AKT1: variants seen among roughly 807,000 people sequenced by gnomAD.
AKT1 encodes RAC-alpha serine/threonine-protein kinase.
A neutral mutation model predicts 63.1 loss-of-function variants in AKT1; 21 were observed. The observed-to-expected ratio is 0.33, with a 90% CI of 0.24 to 0.48. The LOEUF (loss-of-function observed/expected upper bound fraction) is 0.48, where lower values mean the gene tolerates loss of function less well. Among genes scored for constraint, AKT1 ranks in the 20% least tolerant of loss-of-function variants. The pLI is 0.99. For synonymous variants in AKT1, 257 were observed against 253.1 expected (o/e 1.02, Z -0.15); for missense variants, 382 against 666.0 (o/e 0.57, Z 4.69).
chr14:104,773,353 G>A lies in AKT1; in HGVS notation c.855C>T (p.Asp285=), dbSNP rs149484260. Residue 285 remains aspartate, a synonymous_variant, in exon 11 of 15, where the codon GAC becomes GAT. Coordinates refer to ENST00000649815, the MANE Select transcript of AKT1 (RefSeq NM_001382430.1). The part of the protein sequence containing the change: ...LKLENLMLDK[D]GHIKITDFGL... ...CGAAGTCTGTGATCTTAATGTGCCC[G>A]TCCTTGTCCAGCATGAGGTTCTCCA... 156 of 1,614,048 alleles carry A rather than the reference G, an allele frequency of 9.7e-5. No homozygotes were observed. Among genetic ancestry groups the A allele is most frequent in the Non-Finnish European group, 1.2e-4 (141 of 1,180,016 alleles).
chr14:104,789,382 G>C (rs890944824), intron 3 of AKT1, among the ~76,000 whole-genome samples: 2 of 152,380 alleles, frequency 1.3e-5, no homozygotes, highest in African/African-American at 4.8e-5. Context: ...CACGGGGCTA[G>C]GCTGCAGCCA....
At chr14:104,775,465 T>C (rs574642799) in intron 6 of AKT1, 187 bp downstream of exon 6, 1 of 1,075,800 alleles carries the variant, frequency 9.3e-7, no homozygotes, top group East Asian at 2.6e-5. Context: ...GCAACCCCAG[T>C]TTTCCTCTGA....
intron 3 of AKT1, among the ~76,000 whole-genome samples, chr14:104,782,490 G>A (rs2140965658): frequency 6.6e-6 from 1 of 152,328 alleles, no homozygotes; most frequent in African/African-American, 2.4e-5. Context: ...TCTGTGAGCT[G>A]CATCTGGGGG....
At chr14:104,781,960 G>A (rs865806953) in intron 3 of AKT1, among the ~76,000 whole-genome samples, 13 of 152,278 alleles carry the variant, frequency 8.5e-5, no homozygotes, top group South Asian at 2.1e-4. Flanking sequence ...GTGGGCTGCC[G>A]AGCAGGCGTG....
At position 104,792,635 on chromosome 14, in the gene AKT1, G is replaced by A. The variant is rs56217512; in HGVS notation, c.9C>T (p.Asp3=). Residue 3 remains aspartate, a synonymous_variant, in exon 3 of 15, where the codon GAC becomes GAT. Coordinates refer to ENST00000649815, the MANE Select transcript of AKT1 (RefSeq NM_001382430.1). The stretch of plus-strand genomic sequence containing the variant: ...GCCAACCCTCCTTCACAATAGCCAC[G>A]TCGCTCATGGTGCCCGAGGCTCCCG... The part of the protein sequence containing the change: MS[D]VAIVKEGWLH... 357 of 1,611,060 alleles carry A rather than the reference G, an allele frequency of 2.2e-4. 2 individuals are homozygous for A. The East Asian group carries it at 7.1e-3, about 32-fold the overall frequency.
intron 8 of AKT1, chr14:104,774,542 G>A (rs1892600764): frequency 3.9e-6 from 1 of 254,928 alleles, no homozygotes; most frequent in Non-Finnish European, 7.5e-6. Context: ...TAACCAAGTG[G>A]CTGGACCCTG....
chr14:104,776,036 C>T, intron 5 of AKT1: 3 of 486,236 alleles, frequency 6.2e-6, no homozygotes, highest in Non-Finnish European at 1.1e-5. Context: ...TCCCCACAAC[C>T]GGACTCCAAC....
chr14:104,783,614 C>G (rs937326840), intron 3 of AKT1, among the ~76,000 whole-genome samples: 1 of 151,700 alleles, frequency 6.6e-6, no homozygotes, highest in Non-Finnish European at 1.5e-5. Context: ...TCACTCCAGA[C>G]GGGTACAGGC....
In AKT1 at chr14:104,775,657, G is replaced by C. The variant is rs375990114; in HGVS notation, c.430C>G (p.Arg144Gly). 2 of 1,613,824 alleles carry C rather than the reference G, an allele frequency of 1.2e-6. No homozygotes were observed. The highest frequency in any genetic ancestry group is 1.7e-6 in the Non-Finnish European group (2 of 1,179,866). Residue 144 changes from arginine (R) to glycine (G), a missense_variant, in exon 6 of 15, where the codon CGC becomes GGC. Physicochemically the swap from Arg to Gly is moderately radical, Grantham distance 125. Transcript: ENST00000649815. Reference protein sequence around the residue: ...MEVSLAKPKHRVTMNEFEYLK... With the variant: ...MEVSLAKPKHGVTMNEFEYLK... ...GAAGTGGGGACAGGCCTCACCACGC[G>C]GTGCTTGGGCTTGGCCAGGGACACC...
intron 3 of AKT1, among the ~76,000 whole-genome samples, chr14:104,786,533 C>G (rs1893342677): frequency 6.6e-6 from 1 of 152,320 alleles, no homozygotes; most frequent in African/African-American, 2.4e-5. Context: ...GCCTCTCAAT[C>G]CCTGACACCC....
chr14:104,773,608 C>T (rs1374100767), intron 9 of AKT1, 28 bp from the exon 10 acceptor site: 1 of 1,589,116 alleles, frequency 6.3e-7, no homozygotes, highest in South Asian at 1.1e-5. Flanking sequence ...TGAGGCACAG[C>T]CGTGGCTCGG....
intron 3 of AKT1, among the ~76,000 whole-genome samples, chr14:104,781,937 C>A (rs377597879): frequency 2.0e-5 from 3 of 152,218 alleles, no homozygotes; most frequent in African/African-American, 7.2e-5. Flanking sequence ...GCAAGCCCTC[C>A]ATGCCCCTGC....
At chr14:104,794,803 C>T (rs1175495110) in intron 1 of AKT1, among the ~76,000 whole-genome samples, 1 of 152,244 alleles carries the variant, frequency 6.6e-6, no homozygotes, top group Non-Finnish European at 1.5e-5. Flanking sequence ...CTGACCAAGG[C>T]AGCACTCAGA....
intron 2 of AKT1, 31 bp from the exon 3 acceptor site, chr14:104,792,753 G>A: frequency 7.3e-7 from 1 of 1,367,774 alleles, no homozygotes; most frequent in Non-Finnish European, 1.0e-6. Context: ...TGAATGTGAG[G>A]CCACGCCTGG....
At chr14:104,776,200 T>C (rs893398382) in intron 5 of AKT1, 1 of 207,854 alleles carries the variant, frequency 4.8e-6, no homozygotes, top group East Asian at 1.4e-4. Flanking sequence ...CTGGCTGGAG[T>C]GCAGTGGTAA....
Position 104,769,534 on chromosome 14 carries a change from G to A in AKT1, c.*807C>T. The stretch of plus-strand genomic sequence containing the variant: ...CACAGGGAGTCAGGGAGGGCCTGGG[G>A]CGACAGCGGAAAGGTTAAGCGTCGA... On this transcript the variant is annotated 3_prime_UTR_variant, in exon 15 of 15. Coordinates refer to ENST00000649815, the MANE Select transcript of AKT1 (RefSeq NM_001382430.1). The A allele has an allele frequency of 5.6e-6, 3 of 533,754 alleles. No individual in the cohort carries two copies. Among genetic ancestry groups the A allele is most frequent in the Non-Finnish European group, 1.1e-5 (3 of 275,708 alleles). The allele number at this position is 533,754 out of a possible 1,614,324, so 33.1% of individuals were successfully genotyped here. A position where few individuals can be genotyped will look rare whatever the true frequency, so the allele number is the denominator to read the frequency against.
rs2140993448 is a variant in AKT1 at position 104,789,117 on chromosome 14, C to G, written c.46+3481G>C. Among the ~76,000 whole-genome samples the G allele has an allele frequency of 2.0e-5, 3 of 152,366 alleles. No homozygotes were observed. In the South Asian group the frequency reaches 6.2e-4, roughly 32 times the overall value. ...AGGCAGCCAGGCCTGCAGCTCTTCC[C>G]CGGCCCCTCTCGGACAGCGACCAGC... On this transcript the variant is annotated intron_variant, in intron 3 of 14. Coordinates refer to ENST00000649815, the MANE Select transcript of AKT1 (RefSeq NM_001382430.1).
chr14:104,784,433 C>T (rs1011492149), intron 3 of AKT1, among the ~76,000 whole-genome samples: 22 of 152,280 alleles, frequency 1.4e-4, no homozygotes, highest in African/African-American at 5.3e-4. Flanking sequence ...GCTCCCTCGA[C>T]TCCTCCTGCA....
chr14:104,775,446 C>T lies in AKT1; in HGVS notation c.435+206G>A, dbSNP rs1365627734. On this transcript the variant is annotated intron_variant, in intron 6 of 14. Transcript: ENST00000649815. ...GTGGGGTAACATTGCCCAAGCCTGGCAGGGCTCAGCAACCCCAGTTTTCCT... is the reference window on the plus strand; with the variant it reads ...GTGGGGTAACATTGCCCAAGCCTGGTAGGGCTCAGCAACCCCAGTTTTCCT... 1.7e-5 allele frequency: 18 copies of T among 1,057,894 alleles called. 1 individual carries two copies. The highest frequency in any genetic ancestry group is 1.3e-4 in the South Asian group (8 of 59,914). The allele number at this position is 1,057,894 out of a possible 1,614,324, so 65.5% of individuals were successfully genotyped here.
Sources: gnomAD v4.1 joint callset for allele counts (sites outside exome capture counted in the v4.1 genomes callset) on GRCh38, gnomAD v4.1.1 for gene constraint, MANE v1.5 for transcripts, NCBI Gene and HGNC (gene_info 2026-07-23, HGNC 2026-07-21) for gene names.